DOCK10: variants seen among roughly 807,000 people sequenced by gnomAD.
DOCK10 encodes the protein dedicator of cytokinesis protein 10.
In DOCK10, 145 loss-of-function variants were observed where a neutral mutation model predicts 280.1. That is an observed-to-expected ratio of 0.52 (90% CI 0.45 to 0.59). DOCK10 has a LOEUF of 0.59. Ranked by LOEUF, DOCK10 falls within the 20% of genes least tolerant of loss-of-function variation. DOCK10 has a pLI of 0.00. For missense variants in DOCK10, 2,368 were observed against 2,651.7 expected, an observed-to-expected ratio of 0.89 and a Z score of 2.35; for synonymous variants, 915 against 942.2, an observed-to-expected ratio of 0.97 and a Z score of 0.53.
At chr2:224,814,820 C>T (rs569507341) in intron 30 of DOCK10, among the ~76,000 whole-genome samples, 1 of 152,278 alleles carries the variant, frequency 6.6e-6, no homozygotes, top group South Asian at 2.1e-4. Flanking sequence ...CCACCCTCAG[C>T]CTATTTGTTT....
intron 40 of DOCK10, among the ~76,000 whole-genome samples, chr2:224,800,981 C>G (rs1692948294): frequency 6.6e-6 from 1 of 152,032 alleles, no homozygotes; most frequent in African/African-American, 2.4e-5. Flanking sequence ...CAAAGATTTT[C>G]TGATTGGCGA....
intron 1 of DOCK10, among the ~76,000 whole-genome samples, chr2:225,014,081 ATTGTTTTTTTT>A (rs1233258920): frequency 3.1e-5 from 3 of 96,800 alleles, no homozygotes; most frequent in Admixed American, 1.1e-4. Context: ...GTCTGAATAT[ATTGTTTTTTTT>A]TTTTTGTTTT....
At chr2:225,025,702 C>G (rs1218131726) in intron 1 of DOCK10, among the ~76,000 whole-genome samples, 2 of 149,954 alleles carry the variant, frequency 1.3e-5, no homozygotes, top group Admixed American at 1.3e-4. Context: ...GTTTCCAAGG[C>G]TAGGTAATAT....
chr2:224,839,234 A>G (rs1223524679), intron 24 of DOCK10, among the ~76,000 whole-genome samples: 1 of 145,396 alleles, frequency 6.9e-6, no homozygotes, highest in African/African-American at 2.6e-5. Flanking sequence ...ACCCACCACC[A>G]CGCCCGGCTA....
At chr2:224,995,742 A>T (rs1255784970) in intron 1 of DOCK10, among the ~76,000 whole-genome samples, 1 of 152,204 alleles carries the variant, frequency 6.6e-6, no homozygotes, top group African/African-American at 2.4e-5. Flanking sequence ...TGTTTTCAGG[A>T]TGTGGAAAGT....
At chr2:224,961,582 C>T (rs1704453404) in intron 1 of DOCK10, among the ~76,000 whole-genome samples, 1 of 150,320 alleles carries the variant, frequency 6.7e-6, no homozygotes, top group Non-Finnish European at 1.5e-5. Context: ...TCTCGGCTCA[C>T]TGCAACCTCC....
intron 47 of DOCK10, among the ~76,000 whole-genome samples, chr2:224,792,562 C>A (rs925673892): frequency 6.6e-6 from 1 of 152,166 alleles, no homozygotes; most frequent in South Asian, 2.1e-4. Context: ...GGATTACAGG[C>A]GTGAGCCACC....
At chr2:224,975,450 C>T (rs1056645463) in intron 1 of DOCK10, among the ~76,000 whole-genome samples, 1 of 152,160 alleles carries the variant, frequency 6.6e-6, no homozygotes, top group Non-Finnish European at 1.5e-5. Flanking sequence ...AAGATTCAAC[C>T]TCACTGAAAT....
At chr2:225,016,133 C>T (rs1689583318) in intron 1 of DOCK10, among the ~76,000 whole-genome samples, 1 of 152,132 alleles carries the variant, frequency 6.6e-6, no homozygotes, top group Admixed American at 6.5e-5. Flanking sequence ...AGTCAGGTAG[C>T]TTTAACAGGT....
At chr2:224,985,266 A>C (rs941324207) in intron 1 of DOCK10, among the ~76,000 whole-genome samples, 3 of 152,178 alleles carry the variant, frequency 2.0e-5, no homozygotes, top group African/African-American at 7.2e-5. Context: ...TTTTAAAGTA[A>C]TTGTCTTAGA....
At chr2:224,819,953 G>A (rs185602872) in intron 28 of DOCK10, among the ~76,000 whole-genome samples, 254 of 152,026 alleles carry the variant, frequency 1.7e-3, no homozygotes, top group Admixed American at 4.0e-3. Context: ...TTTAGCTTTC[G>A]GTTGTCTACT....
chr2:225,005,132 GAGAT>G (rs1359397522), intron 1 of DOCK10, among the ~76,000 whole-genome samples: 5 of 152,178 alleles, frequency 3.3e-5, no homozygotes, highest in Non-Finnish European at 5.9e-5. Context: ...TTTTTGTCAT[GAGAT>G]AGATAGAATT....
intron 14 of DOCK10, chr2:224,861,391 A>T (rs1050154601): frequency 6.6e-6 from 1 of 152,196 alleles, no homozygotes; most frequent in Non-Finnish European, 1.5e-5. Flanking sequence ...AGTCACAGTA[A>T]GTAGTGGCCT....
At chr2:225,040,230 C>T (rs1690382339) in intron 1 of DOCK10, among the ~76,000 whole-genome samples, 1 of 152,098 alleles carries the variant, frequency 6.6e-6, no homozygotes, top group Non-Finnish European at 1.5e-5. Context: ...TTCCTGTTTC[C>T]CTTCAAGAGT....
rs1223203348 is a variant in DOCK10, at chr2:224,961,400, C to CTT, written c.124-29734_124-29733dup. On this transcript the variant is annotated intron_variant, in intron 1 of 55. Transcript: ENST00000258390. ...GCTTATTTTTGCATAGCAGCATTTT[C>CTT]TTTCTTTCTTTCTCTTTCTTTCTTT... Among the ~76,000 whole-genome samples, 31 of 119,234 alleles carry CTT rather than the reference C, an allele frequency of 2.6e-4. No individual in the cohort carries two copies. In the East Asian group the frequency reaches 4.5e-3, roughly 17 times the overall value. 78.2% of individuals were successfully genotyped at this position (119,234 alleles called of 152,430 possible). A position where few individuals can be genotyped will look rare whatever the true frequency, so the allele number is the denominator to read the frequency against.
chr2:224,997,208 TCCCTCCCTC>T (rs1706298171), intron 1 of DOCK10, among the ~76,000 whole-genome samples: 1 of 136,294 alleles, frequency 7.3e-6, no homozygotes, highest in Admixed American at 7.2e-5. Flanking sequence ...CTCCCTCCCT[TCCCTCCCTC>T]CCTTCCTTCC....
chr2:224,851,572 A>C (rs1460564269), intron 18 of DOCK10, among the ~76,000 whole-genome samples: 3 of 151,738 alleles, frequency 2.0e-5, no homozygotes, highest in African/African-American at 7.3e-5. Flanking sequence ...AGAGGACTCA[A>C]TTTGTACCAG....
rs542186166 is a variant in DOCK10, at chr2:224,965,505, T to C, written c.124-33837A>G. 3.9e-5 allele frequency among the ~76,000 whole-genome samples: 6 copies of C among 152,370 alleles called. No individual in the cohort carries two copies. In the South Asian group the frequency reaches 8.3e-4, roughly 21 times the overall value. On this transcript the variant is annotated intron_variant, in intron 1 of 55. Transcript: ENST00000258390. ...GATTCTTGTCTTCTTTATCCCTCTA[T>C]TGAAACCTCATGGCACTTTTCTTTC... is the stretch of plus-strand genomic sequence containing the variant.
intron 7 of DOCK10, among the ~76,000 whole-genome samples, chr2:224,881,103 A>G (rs1698948538): frequency 6.6e-6 from 1 of 152,212 alleles, no homozygotes; most frequent in African/African-American, 2.4e-5. Context: ...AAGACAACAT[A>G]TGTAACATAT....
Sources: allele counts gnomAD v4.1 joint callset (sites outside exome capture counted in the v4.1 genomes callset), GRCh38; gene constraint gnomAD v4.1.1; transcripts MANE v1.5; gene names NCBI Gene and HGNC (gene_info 2026-07-23, HGNC 2026-07-21).